The following TCERG1L variants were observed in gnomAD, a reference collection of about 807,000 sequenced individuals.
TCERG1L encodes the protein transcription elongation regulator 1 like, also known as transcription elongation regulator 1-like protein.
TCERG1L carries 37 observed loss-of-function variants against 56.3 expected under a neutral mutation model. The observed-to-expected ratio is 0.66, with a 90% confidence interval of 0.51 to 0.87. The LOEUF is 0.87. Ranked by LOEUF, TCERG1L falls within the 40% of genes least tolerant of loss-of-function variation. The pLI is 0.00. For missense variants in TCERG1L, 799 were observed against 774.2 expected (o/e 1.03, Z -0.38); for synonymous variants, 324 against 326.3 (o/e 0.99, Z 0.08).
intron 4 of TCERG1L, among the ~76,000 whole-genome samples, chr10:131,253,131 C>G (rs1329930184): frequency 6.6e-6 from 1 of 152,228 alleles, no homozygotes; most frequent in Non-Finnish European, 1.5e-5. Flanking sequence ...CCAGGCGGAC[C>G]CAGCTGAAGT....
intron 4 of TCERG1L, among the ~76,000 whole-genome samples, chr10:131,256,603 T>C (rs1846166251): frequency 6.6e-6 from 1 of 152,122 alleles, no homozygotes; most frequent in South Asian, 2.1e-4. Context: ...AGGATCACTT[T>C]GGCTGAGCAC....
rs553814042 is a variant in TCERG1L at position 131,107,385 on chromosome 10, A to G, written c.1396-3031T>C. On this transcript the variant is annotated intron_variant, in intron 9 of 11. Coordinates refer to ENST00000368642, the MANE Select transcript of TCERG1L (RefSeq NM_174937.4). ...AGTTTTTGCCCCCGAAGGGATTTAT[A>G]ATCTCTATAGAAGGTCAGATAAGCC... Among the ~76,000 whole-genome samples the G allele has an allele frequency of 4.6e-5, 7 of 152,332 alleles. No homozygotes were observed. In the East Asian group the frequency reaches 1.4e-3, roughly 29 times the overall value.
intron 4 of TCERG1L, among the ~76,000 whole-genome samples, chr10:131,187,641 T>C (rs1845259103): frequency 6.6e-6 from 1 of 152,198 alleles, no homozygotes; most frequent in Admixed American, 6.5e-5. Context: ...ATCTGCCGCT[T>C]CTGGGGCCTC....
At chr10:131,122,102 G>T (rs946062254) in intron 8 of TCERG1L, among the ~76,000 whole-genome samples, 2 of 152,254 alleles carry the variant, frequency 1.3e-5, no homozygotes, top group African/African-American at 4.8e-5. Flanking sequence ...TTGCTGGGAA[G>T]AGTGGATTCG....
chr10:131,291,397 ATTTCTTTTTTTTTTTTTTTTT>A lies in TCERG1L; in HGVS notation c.670+16793_670+16813del, dbSNP rs1589774705. ...CTCATGTGTATATTCCATAAACAGC[ATTTCTTTTTTTTTTTTTTTTT>A]TTTTTTTTTTTTTTTTTTTTTTTTT... is the stretch of plus-strand genomic sequence containing the variant. On this transcript the variant is annotated intron_variant, in intron 3 of 11. Coordinates refer to ENST00000368642, the MANE Select transcript of TCERG1L (RefSeq NM_174937.4). 1.8e-4 allele frequency among the ~76,000 whole-genome samples: 11 copies of A among 60,232 alleles called. No homozygotes were observed. In the East Asian group the frequency reaches 2.4e-3, roughly 13 times the overall value. 39.5% of individuals were successfully genotyped at this position (60,232 alleles called of 152,430 possible).
intron 4 of TCERG1L, among the ~76,000 whole-genome samples, chr10:131,200,683 T>C (rs984689207): frequency 2.0e-5 from 3 of 152,222 alleles, no homozygotes; most frequent in African/African-American, 7.2e-5. Context: ...TTTGAGTTGA[T>C]GCTAGAACAA....
At chr10:131,210,667 G>T (rs1845607222) in intron 4 of TCERG1L, among the ~76,000 whole-genome samples, 1 of 151,982 alleles carries the variant, frequency 6.6e-6, no homozygotes, top group African/African-American at 2.4e-5. Context: ...CGCCCTACTG[G>T]ATTCAGCCCT....
Position 131,311,484 on chromosome 10 carries a change from C to G in TCERG1L, c.152G>C (p.Arg51Pro). 8.4e-7 allele frequency: 1 copy of G among 1,187,648 alleles called. No individual in the cohort carries two copies. Among genetic ancestry groups the G allele is most frequent in the Non-Finnish European group, 1.0e-6 (1 of 960,470 alleles). The allele number at this position is 1,187,648 out of a possible 1,614,324, so 73.6% of individuals were successfully genotyped here. A position where few individuals can be genotyped will look rare whatever the true frequency, so the allele number is the denominator to read the frequency against. ...WMVPGSAGLL[R>P]LSAGVVVPPV... ...GGGAACCACGACCCCCGCGCTGAGC[C>G]GGAGCAGCCCGGCCGAGCCCGGCAC... Residue 51 changes from arginine to proline, a missense_variant, in exon 1 of 12, where the codon CGG (arginine) becomes CCG (proline). Arg to Pro is a moderately radical substitution (Grantham distance 103). Coordinates refer to ENST00000368642, the MANE Select transcript of TCERG1L (RefSeq NM_174937.4). This position sits in a 1 kb window ranked among gnomAD's most constrained non-coding sequence, Gnocchi z 4.0.
At chr10:131,214,065 C>T (rs1845645129) in intron 4 of TCERG1L, among the ~76,000 whole-genome samples, 1 of 151,592 alleles carries the variant, frequency 6.6e-6, no homozygotes, top group Non-Finnish European at 1.5e-5. Context: ...CACACACGCA[C>T]AACAGTTACA....
chr10:131,203,694 T>C (rs995201620), intron 4 of TCERG1L, among the ~76,000 whole-genome samples: 3 of 152,160 alleles, frequency 2.0e-5, no homozygotes, highest in Admixed American at 2.0e-4. Flanking sequence ...CAGAGGCCAG[T>C]AGGGGCCGGG....
rs190318386 is a variant in TCERG1L at position 131,166,719 on chromosome 10, G to A, written c.945+78C>T. 147 of 1,395,056 alleles carry A rather than the reference G, an allele frequency of 1.1e-4. No individual in the cohort carries two copies. In the East Asian group the frequency reaches 2.6e-3, roughly 24 times the overall value. The allele number at this position is 1,395,056 out of a possible 1,614,324, so 86.4% of individuals were successfully genotyped here. On this transcript the variant is annotated intron_variant, in intron 5 of 11. Coordinates refer to ENST00000368642, the MANE Select transcript of TCERG1L (RefSeq NM_174937.4). ...TTCACAAACACCATACAGCAAACAA[G>A]CGTGAGGGTGTCCTGGCCCTGGTCC...
rs939747457 is a variant in TCERG1L, at chr10:131,191,202, C to A, written c.857-24317G>T. On this transcript the variant is annotated intron_variant, in intron 4 of 11. Coordinates refer to ENST00000368642, the MANE Select transcript of TCERG1L (RefSeq NM_174937.4). ...AGGTGAAAAATCTCTACAAGGAGAA[C>A]TACAAAACACTGCTGAAAGAAATCA... 1.9e-4 allele frequency among the ~76,000 whole-genome samples: 28 copies of A among 144,004 alleles called. 3 individuals carry two copies. Among genetic ancestry groups the A allele is most frequent in the Non-Finnish European group, 2.8e-4 (18 of 65,294 alleles). The allele number at this position is 144,004 out of a possible 152,430, so 94.5% of individuals were successfully genotyped here. A position where few individuals can be genotyped will look rare whatever the true frequency, so the allele number is the denominator to read the frequency against.
chr10:131,117,704 A>G (rs1589779372), intron 8 of TCERG1L, among the ~76,000 whole-genome samples: 1 of 152,318 alleles, frequency 6.6e-6, no homozygotes, highest in African/African-American at 2.4e-5. Context: ...TCCGAACCAC[A>G]CGGGCAGGGA....
intron 4 of TCERG1L, among the ~76,000 whole-genome samples, chr10:131,223,578 C>A (rs1458403456): frequency 7.4e-6 from 1 of 135,512 alleles, no homozygotes; most frequent in Non-Finnish European, 1.5e-5. Context: ...AAAAATAAAA[C>A]AAAGCACATG....
At chr10:131,231,030 A>C (rs1486191438) in intron 4 of TCERG1L, among the ~76,000 whole-genome samples, 1 of 151,072 alleles carries the variant, frequency 6.6e-6, no homozygotes, top group Non-Finnish European at 1.5e-5. Context: ...TGAAAGACTG[A>C]GATTTAGCCT....
chr10:131,186,878 T>C (rs1052501313), intron 4 of TCERG1L, among the ~76,000 whole-genome samples: 2 of 152,194 alleles, frequency 1.3e-5, no homozygotes, highest in Non-Finnish European at 2.9e-5. Context: ...AATGTCTCGA[T>C]TTACCCCCAC....
intron 10 of TCERG1L, among the ~76,000 whole-genome samples, chr10:131,102,888 C>G (rs1845317531): frequency 6.6e-6 from 1 of 152,090 alleles, no homozygotes; most frequent in Non-Finnish European, 1.5e-5. Context: ...CTCCTGTGAG[C>G]CAACACCATC....
chr10:131,168,560 C>T (rs1564806216), intron 4 of TCERG1L, among the ~76,000 whole-genome samples: 2 of 152,194 alleles, frequency 1.3e-5, no homozygotes, highest in African/African-American at 4.8e-5. Flanking sequence ...AGGCCCCATC[C>T]CCGGAGGTGC....
At chr10:131,223,285 C>G (rs757678657) in intron 4 of TCERG1L, among the ~76,000 whole-genome samples, 10 of 152,312 alleles carry the variant, frequency 6.6e-5, no homozygotes, top group South Asian at 6.2e-4. Flanking sequence ...CCAGCCGTGT[C>G]CCCACCCTGG....
Sources: allele counts gnomAD v4.1 joint callset (sites outside exome capture counted in the v4.1 genomes callset), GRCh38; gene constraint gnomAD v4.1.1; non-coding constraint Gnocchi (gnomAD v3.1); transcripts MANE v1.5; gene names NCBI Gene and HGNC (gene_info 2026-07-23, HGNC 2026-07-21).